PDPR: variants seen among roughly 807,000 people sequenced by gnomAD.
PDPR encodes the protein pyruvate dehydrogenase phosphatase regulatory subunit, mitochondrial.
A neutral mutation model predicts 102.2 loss-of-function variants in PDPR; 50 were observed. The ratio of observed to expected loss-of-function variants is 0.49; its 90% CI spans 0.39 to 0.62. PDPR has a LOEUF of 0.62. Ranked by LOEUF, PDPR falls within the 20% of genes least tolerant of loss-of-function variation. The pLI is 0.00. For synonymous variants in PDPR, 259 were observed against 406.0 expected (o/e 0.64, Z 4.35); for missense variants, 625 against 1,098.2 (o/e 0.57, Z 6.09).
chr16:70,156,713 G>A lies in PDPR; in HGVS notation c.2474G>A (p.Gly825Glu), dbSNP rs370067436. The change falls in exon 19 of 19, where the codon GGG (glycine) becomes GAG (glutamate). Residue 825 changes from glycine to glutamate, a missense_variant. By Grantham distance (98) the Gly-to-Glu change is moderately conservative (BLOSUM62 -2). Coordinates refer to ENST00000288050, the MANE Select transcript of PDPR (RefSeq NM_017990.5). Reference protein sequence around the residue: ...GFVHNFSEDTGEEQVVTADFI... With the variant: ...GFVHNFSEDTEEEQVVTADFI... ...GTGCACAATTTTTCTGAGGACACGG[G>A]GGAAGAGCAAGTGGTGACAGCAGAT... The A allele has an allele frequency of 1.9e-5, 30 of 1,613,848 alleles. No homozygotes were observed. The African/African-American group carries it at 3.7e-4, about 20-fold the overall frequency.
intron 15 of PDPR, 118 bp from the exon 16 acceptor site, chr16:70,146,016 A>G (rs921662691): frequency 3.6e-5 from 40 of 1,102,046 alleles, no homozygotes; most frequent in East Asian, 1.5e-4. Context: ...GCAAAGGGAC[A>G]TATTCCTGGT....
chr16:70,151,136 G>A (rs565377710), intron 17 of PDPR, among the ~76,000 whole-genome samples: 9 of 152,348 alleles, frequency 5.9e-5, no homozygotes, highest in East Asian at 3.9e-4. Flanking sequence ...GGGTTTCACC[G>A]TGTTGGCCAG....
At chr16:70,138,242 G>T (rs1965365170) in intron 10 of PDPR, among the ~76,000 whole-genome samples, 1 of 73,658 alleles carries the variant, frequency 1.4e-5, no homozygotes, top group African/African-American at 4.2e-5. Flanking sequence ...TTTTGAGTTG[G>T]GGTTTCGCTC....
intron 9 of PDPR, among the ~76,000 whole-genome samples, chr16:70,135,710 A>G (rs1343977525): frequency 2.0e-5 from 3 of 152,256 alleles, no homozygotes; most frequent in African/African-American, 4.8e-5. Flanking sequence ...TTTTGCAGCT[A>G]TATCCTGTAA....
chr16:70,156,418 C>T (rs1967200870), intron 18 of PDPR, 57 bp from the exon 19 acceptor site: 1 of 1,591,154 alleles, frequency 6.3e-7, no homozygotes. Flanking sequence ...CGGTGCTGCT[C>T]TCTGTGCCGA....
At position 70,156,752 on chromosome 16, in the gene PDPR, G is replaced by A; in HGVS notation, c.2513G>A (p.Gly838Glu). The A allele has an allele frequency of 6.2e-7, 1 of 1,614,118 alleles. No individual in the cohort carries two copies. The highest frequency in any genetic ancestry group is 8.5e-7 in the Non-Finnish European group (1 of 1,179,914). ...QVVTADFINRGEYEIDIAGYR... is the reference protein window; with the variant it reads ...QVVTADFINREEYEIDIAGYR... ...GTGACAGCAGATTTCATCAACCGGG[G>A]AGAGTATGAGATTGACATCGCGGGA... Residue 838 changes from glycine (G) to glutamate (E), a missense_variant, in exon 19 of 19, where the codon GGA becomes GAA. Gly to Glu is a moderately conservative substitution (Grantham distance 98). This residue lies in a region of PDPR where 303 missense variants were observed against 258.9 expected (regional missense o/e 1.17). Transcript: ENST00000288050.
upstream of PDPR, chr16:70,114,156 C>G (rs1300399323): frequency 6.6e-6 from 1 of 152,200 alleles, no homozygotes; most frequent in Non-Finnish European, 1.5e-5. Context: ...CGGTGCCTCG[C>G]GAGACCCAAA....
At chr16:70,137,082 G>A (rs1327397742) in intron 10 of PDPR, among the ~76,000 whole-genome samples, 2 of 152,138 alleles carry the variant, frequency 1.3e-5, no homozygotes, top group African/African-American at 4.8e-5. Flanking sequence ...GCCGGGCGCA[G>A]TGGCTCACGC....
Position 70,143,517 on chromosome 16 carries a change from G to C in PDPR, c.1613G>C (p.Gly538Ala), listed in dbSNP as rs753281900. The C allele has an allele frequency of 3.1e-6, 5 of 1,613,740 alleles. No individual in the cohort carries two copies. The East Asian group carries it at 1.1e-4, about 36-fold the overall frequency. ...CATTCCCTAACCCTGCAGTCCACTGGGGATCAGGCATTAGAAGTTCTACAG... is the reference window on the plus strand; with the variant it reads ...CATTCCCTAACCCTGCAGTCCACTGCGGATCAGGCATTAGAAGTTCTACAG... ...SFTKFEITST[G>A]DQALEVLQYL... The change falls in exon 14 of 19, where the codon GGG (glycine) becomes GCG (alanine). Residue 538 changes from glycine (G) to alanine (A), a missense_variant. By Grantham distance (60) the Gly-to-Ala change is moderately conservative. Around this residue, in one of 11 missense-constraint regions of PDPR, gnomAD observed 28 missense variants for 141.2 expected, o/e 0.20. Transcript: ENST00000288050.
chr16:70,116,822 G>A (rs1192687634), intron 2 of PDPR, among the ~76,000 whole-genome samples: 11 of 152,006 alleles, frequency 7.2e-5, no homozygotes, highest in East Asian at 1.9e-4. Flanking sequence ...GATAACAGGC[G>A]TGAGACATGG....
chr16:70,135,656 C>A (rs1307920820), intron 9 of PDPR, among the ~76,000 whole-genome samples: 1 of 152,276 alleles, frequency 6.6e-6, no homozygotes, highest in Non-Finnish European at 1.5e-5. Context: ...CTGCTGCTTT[C>A]CTTTCTAACC....
chr16:70,122,091 A>G (rs1474944090), intron 3 of PDPR, among the ~76,000 whole-genome samples: 1 of 152,242 alleles, frequency 6.6e-6, no homozygotes, highest in Non-Finnish European at 1.5e-5. Flanking sequence ...GGTTCAAGCA[A>G]TTCTCCTGCC....
At chr16:70,132,582 T>A (rs1964648799) in intron 9 of PDPR, among the ~76,000 whole-genome samples, 1 of 152,228 alleles carries the variant, frequency 6.6e-6, no homozygotes, top group African/African-American at 2.4e-5. Context: ...CCTTGCTCCG[T>A]GCTCAGACTG....
intron 10 of PDPR, among the ~76,000 whole-genome samples, chr16:70,137,830 G>C (rs530806128): frequency 1.2e-4 from 19 of 152,378 alleles, no homozygotes; most frequent in Middle Eastern, 3.4e-3. Context: ...TGGATATTTA[G>C]AGTATATTTG....
intron 17 of PDPR, among the ~76,000 whole-genome samples, chr16:70,149,716 G>C (rs1966552051): frequency 6.6e-6 from 1 of 152,266 alleles, no homozygotes; most frequent in African/African-American, 2.4e-5. Flanking sequence ...GTTATTTCTA[G>C]TCTTTTGCTG....
chr16:70,137,272 C>T (rs1468250262), intron 10 of PDPR, among the ~76,000 whole-genome samples: 2 of 152,218 alleles, frequency 1.3e-5, no homozygotes, highest in Non-Finnish European at 2.9e-5. Flanking sequence ...AGGAGAATGG[C>T]GTGAACCCAG....
chr16:70,162,769 A>G (rs544107757), downstream of PDPR, among the ~76,000 whole-genome samples: 1 of 152,374 alleles, frequency 6.6e-6, no homozygotes, highest in East Asian at 1.9e-4. Flanking sequence ...CCTTCTGCCT[A>G]CAGCTGACCT....
rs1356315443 is a variant in PDPR at position 70,160,945 on chromosome 16, A to G, written c.*4066A>G. On this transcript the variant is annotated 3_prime_UTR_variant, in exon 19 of 19. Transcript: ENST00000288050. Reference sequence around the variant, plus strand: ...GTCTACACCACTTTTTGAGAACCTGAAATAGAAGGGAATCTTCTGTGGCCC... The same window carrying G: ...GTCTACACCACTTTTTGAGAACCTGGAATAGAAGGGAATCTTCTGTGGCCC... The G allele has an allele frequency of 6.6e-6, 1 of 152,496 alleles. No individual in the cohort carries two copies. The highest frequency in any genetic ancestry group is 1.9e-4 in the East Asian group (1 of 5,202). The allele number at this position is 152,496 out of a possible 1,614,324, so 9.4% of individuals were successfully genotyped here.
chr16:70,117,843 A>G (rs113634378), intron 2 of PDPR, among the ~76,000 whole-genome samples: 8,806 of 152,202 alleles, frequency 0.058, 903 homozygotes, highest in African/African-American at 0.2. Flanking sequence ...CTATAATCCC[A>G]GCACTTTGGG....
Sources: allele counts gnomAD v4.1 joint callset (sites outside exome capture counted in the v4.1 genomes callset), GRCh38; gene constraint gnomAD v4.1.1; regional missense constraint gnomAD v4.1.1; transcripts MANE v1.5; gene names NCBI Gene and HGNC (gene_info 2026-07-23, HGNC 2026-07-21).